ABCC4: variants seen among roughly 807,000 people sequenced by gnomAD.
ABCC4 encodes the protein ATP binding cassette subfamily C member 4 (PEL blood group).
In ABCC4, 102 loss-of-function variants were observed where a neutral mutation model predicts 168.5. The observed-to-expected ratio is 0.61, with a 90% CI of 0.52 to 0.71. The LOEUF is 0.71. Among genes scored for constraint, ABCC4 ranks in the 30% least tolerant of loss-of-function variants. The pLI is 0.00. For missense variants in ABCC4, 1,402 were observed against 1,605.8 expected, an observed-to-expected ratio of 0.87 and a Z score of 2.17; for synonymous variants, 617 against 590.7, an observed-to-expected ratio of 1.04 and a Z score of -0.65.
intron 25 of ABCC4, among the ~76,000 whole-genome samples, chr13:95,065,783 C>T (rs1047545193): frequency 2.0e-5 from 3 of 152,184 alleles, no homozygotes; most frequent in African/African-American, 7.2e-5. Context: ...CTACTCCCAC[C>T]TGTATCCCTG....
intron 1 of ABCC4, among the ~76,000 whole-genome samples, chr13:95,256,494 G>A (rs953222840): frequency 3.9e-5 from 6 of 152,178 alleles, no homozygotes; most frequent in South Asian, 2.1e-4. Flanking sequence ...TGTGGCTCAC[G>A]CCTGTAATCC....
intron 30 of ABCC4, among the ~76,000 whole-genome samples, chr13:95,025,322 C>A (rs202149207): frequency 1.6e-4 from 7 of 44,468 alleles, no homozygotes; most frequent in African/African-American, 5.5e-4. Flanking sequence ...CCACACACAC[C>A]CACACCCACA....
intron 25 of ABCC4, among the ~76,000 whole-genome samples, chr13:95,068,823 A>C (rs1247809440): frequency 1.3e-5 from 2 of 152,378 alleles, no homozygotes; most frequent in Non-Finnish European, 2.9e-5. Context: ...CAACGTGGCC[A>C]AACTAACAGA....
rs527278575 is a variant in ABCC4 at position 95,183,581 on chromosome 13, T to A, written c.1545+3120A>T. 6.6e-5 allele frequency among the ~76,000 whole-genome samples: 10 copies of A among 152,234 alleles called. No homozygotes were observed. In the East Asian group the frequency reaches 1.9e-3, roughly 29 times the overall value. ...ATGTCCTTATTTCTCAGCAGAGACA[T>A]CAAAAGCCCAAGGCAAGTAATGTGA... On this transcript the variant is annotated intron_variant, in intron 11 of 30. Coordinates refer to ENST00000645237, the MANE Select transcript of ABCC4 (RefSeq NM_005845.5).
At position 95,164,446 on chromosome 13, in the gene ABCC4, T is replaced by G. The variant is rs201327449; in HGVS notation, c.2107A>C (p.Asn703His). ...CAGTGAGCACCAGCTCTGAAGTAAT[T>G]CTTATAGGCCTGAAAACCAACTTTT... ...EGKVGFQAYK[N>H]YFRAGAHWIV... is the part of the protein sequence containing the mutation. The change falls in exon 16 of 31, where the codon AAT (asparagine) becomes CAT (histidine). Residue 703 changes from asparagine (N) to histidine (H), a missense_variant. Physicochemically the swap from Asn to His is moderately conservative, Grantham distance 68 (BLOSUM62 1). Transcript: ENST00000645237. The G allele has an allele frequency of 4.3e-6, 7 of 1,614,134 alleles. No individual in the cohort carries two copies. In the East Asian group the frequency reaches 1.6e-4, roughly 36 times the overall value.
chr13:95,259,993 T>C (rs932580064), intron 1 of ABCC4, among the ~76,000 whole-genome samples: 17 of 152,188 alleles, frequency 1.1e-4, no homozygotes, highest in African/African-American at 3.9e-4. Flanking sequence ...GTGTGATCTC[T>C]GGACCAGCAG....
chr13:95,038,900 T>C (rs1046777124), intron 29 of ABCC4, among the ~76,000 whole-genome samples: 3 of 152,108 alleles, frequency 2.0e-5, no homozygotes, highest in Non-Finnish European at 2.9e-5. Context: ...ATTCAGGCTA[T>C]AGCCTTGGAG....
chr13:95,158,220 T>C (rs1006162615), intron 19 of ABCC4, among the ~76,000 whole-genome samples: 6 of 152,160 alleles, frequency 3.9e-5, no homozygotes, highest in African/African-American at 1.4e-4. Flanking sequence ...AAGGTCTGGT[T>C]CTCTGAGTCA....
intron 30 of ABCC4, among the ~76,000 whole-genome samples, chr13:95,030,375 C>T (rs2031821099): frequency 6.6e-6 from 1 of 152,040 alleles, no homozygotes. Context: ...CATAAAATGG[C>T]ACCTCTGTTA....
At chr13:95,243,796 G>A (rs1291553777) in intron 3 of ABCC4, among the ~76,000 whole-genome samples, 2 of 151,846 alleles carry the variant, frequency 1.3e-5, no homozygotes, top group Admixed American at 6.6e-5. Flanking sequence ...GAGGTGGGAG[G>A]ATTGCTTGAG....
At chr13:95,201,932 C>T (rs1468816129) in intron 8 of ABCC4, among the ~76,000 whole-genome samples, 1 of 152,108 alleles carries the variant, frequency 6.6e-6, no homozygotes, top group African/African-American at 2.4e-5. Flanking sequence ...GAGATCGTGC[C>T]ACTGCACTCC....
chr13:95,047,476 C>CTTTTTTTTTTTTTTTTT lies in ABCC4; in HGVS notation c.3457-3055_3457-3039dup, dbSNP rs71111586. On this transcript the variant is annotated intron_variant, in intron 27 of 30. Transcript: ENST00000645237. ...CCTGGACAATGAAATACTGCCTATT[C>CTTTTTTTTTTTTTTTTT]TTTTTTTTTTTTTTTTTTTTTGAGG... Among the ~76,000 whole-genome samples, 4 of 83,370 alleles carry CTTTTTTTTTTTTTTTTT rather than the reference C, an allele frequency of 4.8e-5. 1 individual carries two copies. The highest frequency in any genetic ancestry group is 1.0e-4 in the African/African-American group (2 of 19,554). 54.7% of individuals were successfully genotyped at this position (83,370 alleles called of 152,430 possible). A position where few individuals can be genotyped will look rare whatever the true frequency, so the allele number is the denominator to read the frequency against.
chr13:95,077,295 T>C lies in ABCC4; in HGVS notation c.2687-1744A>G, dbSNP rs527884985. 3.9e-5 allele frequency among the ~76,000 whole-genome samples: 6 copies of C among 152,302 alleles called. No individual in the cohort carries two copies. The South Asian group carries it at 1.2e-3, about 32-fold the overall frequency. On this transcript the variant is annotated intron_variant, in intron 21 of 30. Coordinates refer to ENST00000645237, the MANE Select transcript of ABCC4 (RefSeq NM_005845.5). The stretch of plus-strand genomic sequence containing the variant: ...CTGTGTAGCTCCAGAGAAGACCCTG[T>C]TAGTAAAACATGGGGTGTCCGGGAG...
At chr13:95,171,404 A>G (rs2037469561) in intron 13 of ABCC4, among the ~76,000 whole-genome samples, 2 of 151,916 alleles carry the variant, frequency 1.3e-5, no homozygotes, top group African/African-American at 4.8e-5. Context: ...ACAAAAAAAA[A>G]AAATTAGCCG....
intron 1 of ABCC4, among the ~76,000 whole-genome samples, chr13:95,277,918 C>G (rs934557391): frequency 6.6e-6 from 1 of 152,134 alleles, no homozygotes; most frequent in Admixed American, 6.5e-5. Flanking sequence ...ATTCCTTGGT[C>G]CACCCTGCAG....
At chr13:95,117,974 C>A (rs1430684352) in intron 19 of ABCC4, among the ~76,000 whole-genome samples, 1 of 152,036 alleles carries the variant, frequency 6.6e-6, no homozygotes, top group Non-Finnish European at 1.5e-5. Flanking sequence ...TATGTGAAAA[C>A]CAACCCTTTA....
At chr13:95,111,000 A>C (rs1429439294) in intron 20 of ABCC4, among the ~76,000 whole-genome samples, 1 of 151,522 alleles carries the variant, frequency 6.6e-6, no homozygotes, top group East Asian at 1.9e-4. Context: ...AAAAAAAAAA[A>C]ACCACAGAAA....
intron 20 of ABCC4, among the ~76,000 whole-genome samples, chr13:95,086,087 T>TGTGTGTGTG: frequency 7.0e-6 from 1 of 142,092 alleles, no homozygotes; most frequent in East Asian, 2.1e-4. Flanking sequence ...TTTAAGGTTA[T>TGTGTGTGTG]TGTGTGTGTG....
chr13:95,119,771 G>C (rs2139421631), intron 19 of ABCC4, among the ~76,000 whole-genome samples: 1 of 152,196 alleles, frequency 6.6e-6, no homozygotes, highest in Middle Eastern at 3.4e-3. Context: ...TGAAGATATT[G>C]AGGCATATTT....
Sources: gnomAD v4.1 joint callset for allele counts (sites outside exome capture counted in the v4.1 genomes callset) on GRCh38, gnomAD v4.1.1 for gene constraint, MANE v1.5 for transcripts, NCBI Gene and HGNC (gene_info 2026-07-23, HGNC 2026-07-21) for gene names.